Variants in FANCA observed in about 807,000 individuals in gnomAD.
FANCA encodes FA complementation group A, also known as Fanconi anemia group A protein.
In FANCA, 236 loss-of-function variants were observed where a neutral mutation model predicts 194.3. That is an observed-to-expected ratio of 1.21 (90% CI 1.09 to 1.35). The LOEUF (loss-of-function observed/expected upper bound fraction) is 1.35, where lower values mean the gene tolerates loss of function less well. FANCA is among the 40% of genes most tolerant of loss of function. FANCA has a pLI of 0.00. For synonymous variants in FANCA, 1,014 were observed against 715.8 expected, an observed-to-expected ratio of 1.42 and a Z score of -6.65; for missense variants, 2,628 against 1,813.9, an observed-to-expected ratio of 1.45 and a Z score of -8.15.
Position 89,778,403 on chromosome 16 carries a change from T to C in FANCA, c.1826+398A>G, listed in dbSNP as rs528190977. ...ATTGCTCCAACCCAGGAGGCAGAGC[T>C]TGCAGTGAGCCAAGATTGTGCAATT... On this transcript the variant is annotated intron_variant, in intron 20 of 42. Coordinates refer to ENST00000389301, the MANE Select transcript of FANCA (RefSeq NM_000135.4). The C allele has an allele frequency of 1.1e-3, 389 of 354,224 alleles. 7 individuals are homozygous for C. Among genetic ancestry groups the C allele is most frequent in the South Asian group, 7.7e-3 (368 of 47,498 alleles). 21.9% of individuals were successfully genotyped at this position (354,224 alleles called of 1,614,324 possible).
intron 1 of FANCA, 137 bp from the exon 2 acceptor site, chr16:89,816,123 C>T (rs2041111873): frequency 4.2e-6 from 3 of 719,634 alleles, no homozygotes; most frequent in Admixed American, 2.0e-5. Context: ...CTCCCCAGGG[C>T]GCAGGTCTCG....
chr16:89,805,259 C>T lies in FANCA; in HGVS notation c.709+21G>A, dbSNP rs374368135. ...TCAAAATGAGTTTTACCCAAGAACC[C>T]GCATCTTGTCATGAACGCACCAGAA... is the stretch of plus-strand genomic sequence containing the variant. On this transcript the variant is annotated intron_variant, in intron 7 of 42. Transcript: ENST00000389301. 22 of 1,587,220 alleles carry T rather than the reference C, an allele frequency of 1.4e-5. No individual in the cohort carries two copies. In the South Asian group the frequency reaches 1.9e-4, roughly 14 times the overall value.
intron 2 of FANCA, among the ~76,000 whole-genome samples, chr16:89,815,039 T>G (rs2041049389): frequency 6.6e-6 from 1 of 152,098 alleles, no homozygotes; most frequent in Admixed American, 6.6e-5. Flanking sequence ...ACTGGGCTAT[T>G]TTCCTTTTTT....
intron 38 of FANCA, 84 bp from the exon 39 acceptor site, chr16:89,740,183 G>C: frequency 2.8e-6 from 3 of 1,062,500 alleles, no homozygotes; most frequent in Admixed American, 1.7e-5. Context: ...GCACAGAAGA[G>C]GGCATTTCCT....
At chr16:89,773,118 C>G (rs1404562692) in intron 22 of FANCA, among the ~76,000 whole-genome samples, 153 bp downstream of exon 22, 1 of 152,210 alleles carries the variant, frequency 6.6e-6, no homozygotes, top group African/African-American at 2.4e-5. Context: ...AAAAAAGGTT[C>G]CACACCCGCC....
chr16:89,766,972 G>T (rs1309941961), intron 27 of FANCA, among the ~76,000 whole-genome samples, 169 bp downstream of exon 27: 2 of 151,790 alleles, frequency 1.3e-5, no homozygotes, highest in Non-Finnish European at 2.9e-5. Context: ...AGCAGAGGTG[G>T]CCATGACAGC....
At chr16:89,743,049 AG>A (rs1306091609) in intron 36 of FANCA, 111 bp from the exon 37 acceptor site, 5 of 1,269,002 alleles carry the variant, frequency 3.9e-6, no homozygotes, top group Non-Finnish European at 5.4e-6. Flanking sequence ...TTTCCATCAG[AG>A]GACAGAGAAG....
intron 14 of FANCA, among the ~76,000 whole-genome samples, chr16:89,790,676 C>A (rs2040039441): frequency 6.6e-6 from 1 of 151,740 alleles, no homozygotes; most frequent in South Asian, 2.1e-4. Context: ...TTGCAGTGAG[C>A]CGAGAAGGTG....
At chr16:89,754,138 C>T (rs541836789) in intron 30 of FANCA, among the ~76,000 whole-genome samples, 1 of 152,032 alleles carries the variant, frequency 6.6e-6, no homozygotes, top group East Asian at 2.0e-4. Context: ...AGGAGAATCG[C>T]TTGAACCTGA....
At chr16:89,782,651 G>A (rs2039759462) in intron 17 of FANCA, among the ~76,000 whole-genome samples, 1 of 152,162 alleles carries the variant, frequency 6.6e-6, no homozygotes, top group Admixed American at 6.6e-5. Context: ...CTGCCACACA[G>A]TAACCCTTTC....
At position 89,738,653 on chromosome 16, in the gene FANCA, C is replaced by G. The variant is rs587778322; in HGVS notation, c.4316G>C (p.Arg1439Thr). The G allele has an allele frequency of 3.7e-6, 6 of 1,613,580 alleles. No homozygotes were observed. The highest frequency in any genetic ancestry group is 3.3e-5 in the South Asian group (3 of 91,052). Residue 1439 changes from arginine to threonine, a missense_variant, in exon 43 of 43, where the codon AGA becomes ACA. Physicochemically the swap from Arg to Thr is moderately conservative, Grantham distance 71 (BLOSUM62 -1). Coordinates refer to ENST00000389301, the MANE Select transcript of FANCA (RefSeq NM_000135.4). The part of the protein sequence containing the change: ...DPEVSAALQS[R>T]QQAAPDADLS... Reference sequence around the variant, plus strand: ...GTCAGCGTCAGGGGCAGCCTGCTGTCTGCTCTGGAGGGCGGCGCTCACCTC... The same window carrying G: ...GTCAGCGTCAGGGGCAGCCTGCTGTGTGCTCTGGAGGGCGGCGCTCACCTC...
intron 14 of FANCA, 188 bp downstream of exon 14, chr16:89,791,215 G>C (rs1049889724): frequency 1.4e-6 from 1 of 730,090 alleles, no homozygotes. Context: ...AAGATCCGCT[G>C]AGGCCCCGAC....
intron 39 of FANCA, 60 bp from the exon 40 acceptor site, chr16:89,739,613 G>A (rs55811603): frequency 1.3e-6 from 2 of 1,535,428 alleles, no homozygotes; most frequent in African/African-American, 1.4e-5. Flanking sequence ...ATCAGTGCTG[G>A]GGACACCCCT....
intron 6 of FANCA, among the ~76,000 whole-genome samples, chr16:89,806,347 C>CTTTTTTTTT (rs34862478): frequency 1.7e-4 from 19 of 110,362 alleles, no homozygotes; most frequent in East Asian, 6.2e-4. Context: ...CTATATCATT[C>CTTTTTTTTT]TTTTTTTTTT....
chr16:89,743,908 CTTTT>C (rs144936523), intron 36 of FANCA, among the ~76,000 whole-genome samples: 1 of 151,986 alleles, frequency 6.6e-6, no homozygotes, highest in East Asian at 1.9e-4. Context: ...CTGCTTTCTC[CTTTT>C]TTGAGATGGA....
At chr16:89,763,889 C>T (rs974436430) in intron 28 of FANCA, among the ~76,000 whole-genome samples, 6 of 148,180 alleles carry the variant, frequency 4.0e-5, no homozygotes, top group Non-Finnish European at 5.9e-5. Context: ...GCCAAGATTG[C>T]GCCACTGTGC....
intron 2 of FANCA, 68 bp downstream of exon 2, chr16:89,815,809 G>T: frequency 8.2e-7 from 1 of 1,223,432 alleles, no homozygotes; most frequent in Non-Finnish European, 1.2e-6. Flanking sequence ...TAGGAAAGCT[G>T]TGCGGTGGCT....
intron 30 of FANCA, among the ~76,000 whole-genome samples, chr16:89,756,605 G>C (rs200650055): frequency 7.4e-6 from 1 of 134,850 alleles, no homozygotes; most frequent in Non-Finnish European, 1.7e-5. Flanking sequence ...GGGTGACAAA[G>C]AAAGACCCAG....
chr16:89,773,398 G>C lies in FANCA; in HGVS notation c.1901-14C>G. On this transcript the variant is annotated splice_polypyrimidine_tract_variant and intron_variant, in intron 21 of 42. Coordinates refer to ENST00000389301, the MANE Select transcript of FANCA (RefSeq NM_000135.4). ...CCAGGGCTGCATCTGTGAGAAGAAG[G>C]AAGAAACCAGATGGAAAGACACTCA... 6.6e-7 allele frequency: 1 copy of C among 1,526,486 alleles called. No homozygotes were observed. Among genetic ancestry groups the C allele is most frequent in the South Asian group, 1.2e-5 (1 of 83,556 alleles). 94.6% of individuals were successfully genotyped at this position (1,526,486 alleles called of 1,614,324 possible).
Sources: allele counts gnomAD v4.1 joint callset (sites outside exome capture counted in the v4.1 genomes callset), GRCh38; gene constraint gnomAD v4.1.1; transcripts MANE v1.5; gene names NCBI Gene and HGNC (gene_info 2026-07-23, HGNC 2026-07-21).